The following CDH8 variants were observed in gnomAD, a reference collection of about 807,000 sequenced individuals.
CDH8 encodes the protein cadherin 8, also known as cadherin-8.
In CDH8, 17 loss-of-function variants were observed where a neutral mutation model predicts 68.1. The ratio of observed to expected loss-of-function variants is 0.25; its 90% CI spans 0.17 to 0.37. The LOEUF (loss-of-function observed/expected upper bound fraction) is 0.37, where lower values mean the gene tolerates loss of function less well. CDH8 is among the 10% of genes least tolerant of loss of function. CDH8 has a pLI of 1.00. For missense variants in CDH8, 763 were observed against 999.3 expected (o/e 0.76, Z 3.19); for synonymous variants, 372 against 365.1 (o/e 1.02, Z -0.21).
At chr16:61,713,730 G>C (rs772480078) in intron 10 of CDH8, 111 bp downstream of exon 10, 2 of 637,770 alleles carry the variant, frequency 3.1e-6, no homozygotes, top group African/African-American at 1.8e-5. Context: ...AATTTCAAGT[G>C]CTCATAGTTG....
Position 62,021,274 on chromosome 16 carries a change from A to G in CDH8, c.130T>C (p.Leu44=), listed in dbSNP as rs764671356. The change falls in exon 2 of 12, where the codon TTG becomes CTG. Residue 44 remains leucine (L), a synonymous_variant. Transcript: ENST00000577390. ...TCTTCACCCAGACTGTTTAGTTCCA[A>G]AGGGGATCCACTCATTAAAACTTGA... ...QSQVLMSGSP[L]ELNSLGEEQR... 2 of 1,613,862 alleles carry G rather than the reference A, an allele frequency of 1.2e-6. No individual in the cohort carries two copies. Among genetic ancestry groups the G allele is most frequent in the African/African-American group, 2.7e-5 (2 of 74,896 alleles).
chr16:61,821,051 C>T lies in CDH8; in HGVS notation c.898G>A (p.Ala300Thr). The change falls in exon 6 of 12, where the codon GCC (alanine) becomes ACC (threonine). Residue 300 changes from alanine (A) to threonine (T), a missense_variant. Transcript: ENST00000577390. ...TTTTCACCAATATCCTGATCATTGG[C>T]CTTCACCCTTCCTATTGCAGTGCCA... ...VLGTAIGRVK[A>T]NDQDIGENAQ... 3 of 1,612,658 alleles carry T rather than the reference C, an allele frequency of 1.9e-6. No homozygotes were observed. Among genetic ancestry groups the T allele is most frequent in the Non-Finnish European group, 2.5e-6 (3 of 1,179,122 alleles).
At chr16:61,664,561 T>A (rs903191653) in intron 10 of CDH8, among the ~76,000 whole-genome samples, 1 of 151,978 alleles carries the variant, frequency 6.6e-6, no homozygotes, top group Non-Finnish European at 1.5e-5. Context: ...TTCAGGCTAT[T>A]GGAAAGCATA....
At chr16:61,943,230 GTAGAGGCCTTATC>G (rs1364907955) in intron 2 of CDH8, among the ~76,000 whole-genome samples, 3 of 152,188 alleles carry the variant, frequency 2.0e-5, no homozygotes, top group African/African-American at 2.4e-5. Flanking sequence ...CTTCATGAAA[GTAGAGGCCTTATC>G]TGGATTCGTC....
At chr16:61,849,321 G>GAA (rs111348421) in intron 4 of CDH8, among the ~76,000 whole-genome samples, 1 of 140,788 alleles carries the variant, frequency 7.1e-6, no homozygotes, top group African/African-American at 2.6e-5. Context: ...TGCATTAAAA[G>GAA]AAAAAAAAAA....
chr16:61,914,234 T>G (rs970056515), intron 2 of CDH8, among the ~76,000 whole-genome samples: 6 of 152,176 alleles, frequency 3.9e-5, no homozygotes, highest in African/African-American at 1.4e-4. Flanking sequence ...TAAATTTCTG[T>G]TGCTTAAGTC....
intron 7 of CDH8, among the ~76,000 whole-genome samples, chr16:61,801,307 T>C (rs886791135): frequency 9.2e-5 from 14 of 152,230 alleles, no homozygotes; most frequent in African/African-American, 3.4e-4. Context: ...AACTTGCCAC[T>C]ATGAGGTTTG....
At chr16:61,932,867 T>C (rs1195586497) in intron 2 of CDH8, among the ~76,000 whole-genome samples, 3 of 152,184 alleles carry the variant, frequency 2.0e-5, no homozygotes, top group African/African-American at 7.2e-5. Context: ...TGAAAATACA[T>C]ATTTTGATTC....
intron 10 of CDH8, among the ~76,000 whole-genome samples, chr16:61,708,935 T>C (rs1185612778): frequency 2.0e-5 from 3 of 152,168 alleles, no homozygotes; most frequent in African/African-American, 4.8e-5. Context: ...CGTTTGGTGC[T>C]GTGTGTTGCG....
intron 8 of CDH8, among the ~76,000 whole-genome samples, chr16:61,772,093 GT>G (rs1258360914): frequency 6.6e-6 from 1 of 151,862 alleles, no homozygotes; most frequent in Non-Finnish European, 1.5e-5. Context: ...GAACCCAGAG[GT>G]TTCTAAATAT....
intron 10 of CDH8, among the ~76,000 whole-genome samples, chr16:61,665,147 G>A (rs1325586619): frequency 1.3e-5 from 2 of 151,780 alleles, no homozygotes; most frequent in Non-Finnish European, 2.9e-5. Context: ...CTTATAAGAA[G>A]AGACACTAAA....
At chr16:62,034,223 A>G (rs1002373626) in intron 1 of CDH8, among the ~76,000 whole-genome samples, 4 of 151,856 alleles carry the variant, frequency 2.6e-5, no homozygotes, top group African/African-American at 9.7e-5. Context: ...ACACACGCAC[A>G]CGAAGAAATC....
intron 10 of CDH8, among the ~76,000 whole-genome samples, chr16:61,669,098 T>A (rs183473794): frequency 6.6e-6 from 1 of 152,182 alleles, no homozygotes; most frequent in East Asian, 1.9e-4. Flanking sequence ...CAAATATCCC[T>A]GAACATAATC....
At chr16:61,732,676 C>T (rs547356614) in intron 8 of CDH8, among the ~76,000 whole-genome samples, 14 of 151,334 alleles carry the variant, frequency 9.3e-5, no homozygotes, top group Admixed American at 2.0e-4. Flanking sequence ...CTAATCCAAA[C>T]GAAAAAAATA....
At chr16:61,880,378 A>G (rs1371374096) in intron 3 of CDH8, among the ~76,000 whole-genome samples, 1 of 152,218 alleles carries the variant, frequency 6.6e-6, no homozygotes, top group East Asian at 1.9e-4. Context: ...TCTATGAGGC[A>G]GTGATAAGAT....
At chr16:61,920,068 G>C (rs1350266699) in intron 2 of CDH8, among the ~76,000 whole-genome samples, 1 of 148,868 alleles carries the variant, frequency 6.7e-6, no homozygotes, top group Admixed American at 6.8e-5. Flanking sequence ...AGCTGAAACT[G>C]GATCCCTTCC....
intron 3 of CDH8, among the ~76,000 whole-genome samples, chr16:61,859,669 C>T (rs374123796): frequency 7.9e-5 from 12 of 152,102 alleles, no homozygotes; most frequent in Admixed American, 2.0e-4. Flanking sequence ...TGGATATCAA[C>T]GTTAATTTCC....
chr16:61,997,619 G>T (rs1965826929), intron 2 of CDH8, among the ~76,000 whole-genome samples: 3 of 152,088 alleles, frequency 2.0e-5, no homozygotes, highest in Non-Finnish European at 4.4e-5. Flanking sequence ...TAACAAAAGG[G>T]AAAATAGTAG....
intron 2 of CDH8, among the ~76,000 whole-genome samples, chr16:61,981,681 T>TGTGTGTGCGC (rs747443852): frequency 7.1e-6 from 1 of 141,758 alleles, no homozygotes; most frequent in African/African-American, 2.8e-5. Flanking sequence ...TGTGTGTGTG[T>TGTGTGTGCGC]GCGCGCGCGC....
Sources: gnomAD v4.1 joint callset for allele counts (sites outside exome capture counted in the v4.1 genomes callset) on GRCh38, gnomAD v4.1.1 for gene constraint, MANE v1.5 for transcripts, NCBI Gene and HGNC (gene_info 2026-07-23, HGNC 2026-07-21) for gene names.